RNF125: variants seen among roughly 807,000 people sequenced by gnomAD.
RNF125 encodes the protein E3 ubiquitin-protein ligase RNF125.
RNF125 carries 21 observed loss-of-function variants against 26.0 expected under a neutral mutation model. The ratio of observed to expected loss-of-function variants is 0.81; its 90% CI spans 0.57 to 1.16. The LOEUF (loss-of-function observed/expected upper bound fraction) is 1.16. Among genes scored for constraint, RNF125 ranks in the 50% most tolerant of loss-of-function variants. The pLI is 0.00. For missense variants in RNF125, 270 were observed against 299.4 expected (o/e 0.90, Z 0.72); for synonymous variants, 95 against 109.2 (o/e 0.87, Z 0.81).
chr18:32,065,279 C>T (rs1486137975), intron 4 of RNF125, among the ~76,000 whole-genome samples: 3 of 152,026 alleles, frequency 2.0e-5, no homozygotes, highest in Non-Finnish European at 4.4e-5. Flanking sequence ...CTCTTGTTGC[C>T]CAGGCTGGTG....
Position 32,028,297 on chromosome 18 carries a change from T to TAAAA in RNF125, c.165-8794_165-8791dup, listed in dbSNP as rs1156859954. On this transcript the variant is annotated intron_variant, in intron 1 of 5. Transcript: ENST00000217740. ...TGGGCAACAGAGCGAGACTCCGTCT[T>TAAAA]AAAAAAAAAAAAAAAAAAAAAAAAA... Among the ~76,000 whole-genome samples, 54 of 72,392 alleles carry TAAAA rather than the reference T, an allele frequency of 7.5e-4. 3 individuals are homozygous for TAAAA. Among genetic ancestry groups the TAAAA allele is most frequent in the Non-Finnish European group, 1.1e-3 (42 of 38,980 alleles). 47.5% of individuals were successfully genotyped at this position (72,392 alleles called of 152,430 possible).
chr18:32,085,904 A>G, the RNF125 span, among the ~76,000 whole-genome samples: 730 of 152,242 alleles, frequency 4.8e-3, 9 homozygotes, highest in African/African-American at 0.017. Context: ...AGATGCAGAA[A>G]GGCAAATGCC....
At chr18:32,042,775 G>A (rs1041372828) in intron 3 of RNF125, among the ~76,000 whole-genome samples, 3 of 149,964 alleles carry the variant, frequency 2.0e-5, no homozygotes, top group Non-Finnish European at 3.0e-5. Flanking sequence ...GGGTAATCTC[G>A]TATGGGGGTA....
the RNF125 span, among the ~76,000 whole-genome samples, chr18:32,087,446 C>A: frequency 6.6e-6 from 1 of 151,536 alleles, no homozygotes; most frequent in African/African-American, 2.4e-5. Flanking sequence ...GTCTTGGGAA[C>A]TGGGCCCCCA....
rs141623788 is a variant in RNF125, at chr18:32,042,058, A to G, written c.319-121A>G. 2,060 of 695,532 alleles carry G rather than the reference A, an allele frequency of 3.0e-3. 24 individuals carry two copies. Among genetic ancestry groups the G allele is most frequent in the African/African-American group, 0.022 (1,218 of 55,514 alleles). The allele number at this position is 695,532 out of a possible 1,614,324, so 43.1% of individuals were successfully genotyped here. A position where few individuals can be genotyped will look rare whatever the true frequency, so the allele number is the denominator to read the frequency against. Reference sequence around the variant, plus strand: ...TTGGTGGTACTGGTGTTACGAATGCATCTATTTAGTCAGTTGATCCCACAG... The same window carrying G: ...TTGGTGGTACTGGTGTTACGAATGCGTCTATTTAGTCAGTTGATCCCACAG... On this transcript the variant is annotated intron_variant, in intron 2 of 5. Coordinates refer to ENST00000217740, the MANE Select transcript of RNF125 (RefSeq NM_017831.4).
At chr18:32,079,848 A>T in the RNF125 span, among the ~76,000 whole-genome samples, 13 of 152,330 alleles carry the variant, frequency 8.5e-5, no homozygotes, top group African/African-American at 3.1e-4. Context: ...TTTTAAAGCT[A>T]TAGTGCTAAT....
chr18:32,064,168 TG>T (rs1205492875), intron 4 of RNF125, among the ~76,000 whole-genome samples: 1 of 151,866 alleles, frequency 6.6e-6, no homozygotes, highest in Non-Finnish European at 1.5e-5. Context: ...CTAATTTTTT[TG>T]TCTTTTTAGT....
intron 1 of RNF125, among the ~76,000 whole-genome samples, chr18:32,023,959 A>G (rs1247880416): frequency 5.3e-5 from 8 of 152,198 alleles, no homozygotes; most frequent in African/African-American, 1.2e-4. Context: ...TCAATAATAA[A>G]TTTAAATAAA....
At chr18:32,076,257 C>T (rs994804310), downstream of RNF125, 4 of 405,768 alleles carry the variant, frequency 9.9e-6, no homozygotes, top group African/African-American at 2.1e-5. Context: ...TCAGCCAGGA[C>T]ATTTATGCGC....
chr18:32,023,625 T>C (rs986670698), intron 1 of RNF125, among the ~76,000 whole-genome samples: 20 of 152,228 alleles, frequency 1.3e-4, no homozygotes, highest in African/African-American at 4.3e-4. Context: ...AAAGCCTTGC[T>C]AAAATAACCA....
intron 1 of RNF125, among the ~76,000 whole-genome samples, chr18:32,021,978 T>C (rs2038990945): frequency 6.6e-6 from 1 of 152,214 alleles, no homozygotes; most frequent in African/African-American, 2.4e-5. Flanking sequence ...TCCATATTCC[T>C]CCTTTTGGCA....
chr18:32,028,314 A>T (rs1451252134), intron 1 of RNF125, among the ~76,000 whole-genome samples: 1 of 150,234 alleles, frequency 6.7e-6, no homozygotes, highest in African/African-American at 2.4e-5. Flanking sequence ...AAAAAAAAAA[A>T]AAAAAAAAAA....
At chr18:32,019,668 T>C (rs1475122542) in intron 1 of RNF125, among the ~76,000 whole-genome samples, 4 of 152,270 alleles carry the variant, frequency 2.6e-5, no homozygotes, top group South Asian at 2.1e-4. Context: ...CGAGTGACTT[T>C]CCACAGTTGT....
chr18:32,020,225 T>C (rs990260900), intron 1 of RNF125, among the ~76,000 whole-genome samples: 7 of 152,164 alleles, frequency 4.6e-5, no homozygotes, highest in African/African-American at 1.7e-4. Flanking sequence ...TTTTTGAATT[T>C]TGAGTAGAGA....
chr18:32,047,833 A>G (rs2039286411), intron 4 of RNF125, among the ~76,000 whole-genome samples: 1 of 152,192 alleles, frequency 6.6e-6, no homozygotes, highest in Non-Finnish European at 1.5e-5. Context: ...TAGAGAATAA[A>G]GAGAAAGATA....
chr18:32,045,781 C>A, intron 4 of RNF125, 49 bp downstream of exon 4: 1 of 1,154,224 alleles, frequency 8.7e-7, no homozygotes, highest in Non-Finnish European at 1.3e-6. Context: ...ATTCAGGACA[C>A]ATTAGGAAAT....
chr18:32,086,422 G>A, the RNF125 span, among the ~76,000 whole-genome samples: 1 of 150,774 alleles, frequency 6.6e-6, no homozygotes, highest in Non-Finnish European at 1.5e-5. Context: ...AGTGATCATG[G>A]CTCACTGCAG....
intron 4 of RNF125, among the ~76,000 whole-genome samples, chr18:32,051,274 G>A (rs1001212540): frequency 6.6e-6 from 1 of 151,984 alleles, no homozygotes; most frequent in Non-Finnish European, 1.5e-5. Context: ...CCAGTTCTTT[G>A]CAGAGTGCCT....
intron 1 of RNF125, among the ~76,000 whole-genome samples, chr18:32,024,354 C>G (rs1032152139): frequency 3.3e-5 from 5 of 151,876 alleles, no homozygotes; most frequent in Non-Finnish European, 2.9e-5. Context: ...CCACCACACC[C>G]GGCCTCATGC....
Sources: allele counts gnomAD v4.1 joint callset (sites outside exome capture counted in the v4.1 genomes callset), GRCh38; gene constraint gnomAD v4.1.1; transcripts MANE v1.5; gene names NCBI Gene and HGNC (gene_info 2026-07-23, HGNC 2026-07-21).